Variants in ZNG1B observed in about 807,000 individuals in gnomAD.
The protein encoded by ZNG1B is zinc-regulated GTPase metalloprotein activator 1B.
chr2:113,441,975 T>C, the ZNG1B span, among the ~76,000 whole-genome samples: 1 of 152,210 alleles, frequency 6.6e-6, no homozygotes, highest in Admixed American at 6.5e-5. Flanking sequence ...CCTGGCCTTG[T>C]GATCCACCTG....
chr2:113,441,785 G>C, the ZNG1B span: 1 of 202,954 alleles, frequency 4.9e-6, no homozygotes, highest in Non-Finnish European at 1.0e-5. Context: ...CTGTCGCCAG[G>C]CTGGAGTGCA....
the ZNG1B span, among the ~76,000 whole-genome samples, chr2:113,489,411 C>T: frequency 1.3e-5 from 2 of 152,146 alleles, no homozygotes; most frequent in Non-Finnish European, 2.9e-5. Flanking sequence ...GCATAAATAT[C>T]ACAGGACCTA....
chr2:113,474,231 A>G, the ZNG1B span, among the ~76,000 whole-genome samples: 1 of 152,004 alleles, frequency 6.6e-6, no homozygotes, highest in African/African-American at 2.4e-5. Flanking sequence ...TGTATGTGTC[A>G]AGGAATTTAT....
chr2:113,469,305 G>A, the ZNG1B span: 1 of 151,110 alleles, frequency 6.6e-6, no homozygotes, highest in Non-Finnish European at 1.5e-5. Flanking sequence ...ACCACACCCA[G>A]CTAATTTTTG....
At chr2:113,457,763 G>T in the ZNG1B span, among the ~76,000 whole-genome samples, 3 of 140,064 alleles carry the variant, frequency 2.1e-5, no homozygotes, top group Non-Finnish European at 4.7e-5. Context: ...TTTTTGAGGG[G>T]GGTGGTAAGA....
chr2:113,473,299 G>A, the ZNG1B span, among the ~76,000 whole-genome samples: 2 of 148,110 alleles, frequency 1.4e-5, no homozygotes, highest in African/African-American at 5.0e-5. Flanking sequence ...TCTGTTGTTG[G>A]TGTATAAGAA....
chr2:113,440,414 T>C, the ZNG1B span, among the ~76,000 whole-genome samples: 2 of 152,172 alleles, frequency 1.3e-5, no homozygotes, highest in South Asian at 4.1e-4. Flanking sequence ...GAAACACTCA[T>C]GTTCAGGGCC....
At chr2:113,477,181 G>T in the ZNG1B span, among the ~76,000 whole-genome samples, 1 of 152,152 alleles carries the variant, frequency 6.6e-6, no homozygotes, top group Non-Finnish European at 1.5e-5. Flanking sequence ...CTCCGTGGGC[G>T]TGGGACCCTC....
the ZNG1B span, among the ~76,000 whole-genome samples, chr2:113,467,074 A>AC: frequency 2.0e-5 from 3 of 146,974 alleles, no homozygotes; most frequent in African/African-American, 8.0e-5. Flanking sequence ...AAAAAAAAAA[A>AC]AAAACAAACA....
At chr2:113,455,689 G>C in the ZNG1B span, 24 of 1,156,448 alleles carry the variant, frequency 2.1e-5, no homozygotes, top group Non-Finnish European at 2.6e-5. Context: ...ATTAGTGTCT[G>C]TTTTGTATCC....
chr2:113,477,573 T>C, the ZNG1B span, among the ~76,000 whole-genome samples: 1 of 152,188 alleles, frequency 6.6e-6, no homozygotes, highest in Non-Finnish European at 1.5e-5. Context: ...ATGGATTAGT[T>C]TTCTGCCTTC....
the ZNG1B span, among the ~76,000 whole-genome samples, chr2:113,476,567 C>T: frequency 1.1e-4 from 17 of 148,270 alleles, no homozygotes; most frequent in East Asian, 1.6e-3. Context: ...AGAGGCGCTG[C>T]GTTCCTTTGG....
chr2:113,474,661 T>C, the ZNG1B span, among the ~76,000 whole-genome samples: 1 of 144,642 alleles, frequency 6.9e-6, no homozygotes, highest in Non-Finnish European at 1.5e-5. Context: ...CTGCTTTGAA[T>C]GCGTCCCAGA....
chr2:113,439,874 ATTTTTTTTTTT>A, the ZNG1B span, among the ~76,000 whole-genome samples: 3 of 68,880 alleles, frequency 4.4e-5, no homozygotes, highest in African/African-American at 6.0e-5. Flanking sequence ...CCTTCCCTTA[ATTTTTTTTTTT>A]TTTTTTTTTT....
At chr2:113,455,631 A>G in the ZNG1B span, 1 of 1,287,060 alleles carries the variant, frequency 7.8e-7, no homozygotes, top group Non-Finnish European at 1.0e-6. Flanking sequence ...GCATATGGAT[A>G]GGGCCCAAAG....
the ZNG1B span, among the ~76,000 whole-genome samples, chr2:113,459,916 G>A: frequency 6.7e-6 from 1 of 148,428 alleles, no homozygotes; most frequent in Non-Finnish European, 1.5e-5. Flanking sequence ...AAAAAAAACA[G>A]ACAACAAAGC....
At chr2:113,453,323 G>C in the ZNG1B span, 7 of 1,395,210 alleles carry the variant, frequency 5.0e-6, no homozygotes, top group Non-Finnish European at 6.9e-6. Flanking sequence ...CATGATCTCG[G>C]CTCACTGCAA....
chr2:113,472,353 T>C, the ZNG1B span, among the ~76,000 whole-genome samples: 1 of 152,030 alleles, frequency 6.6e-6, no homozygotes, highest in East Asian at 1.9e-4. Flanking sequence ...TCTTGTAAAT[T>C]TGTTTGAGTT....
the ZNG1B span, among the ~76,000 whole-genome samples, chr2:113,486,761 A>C: frequency 1.3e-5 from 2 of 152,198 alleles, no homozygotes; most frequent in Non-Finnish European, 1.5e-5. Flanking sequence ...ATCTCAAAAA[A>C]ATTTATTAAG....
Sources: gnomAD v4.1 joint callset for allele counts (sites outside exome capture counted in the v4.1 genomes callset) on GRCh38, gnomAD v4.1.1 for gene constraint, MANE v1.5 for transcripts, NCBI Gene and HGNC (gene_info 2026-07-23, HGNC 2026-07-21) for gene names.